PROM1: variants seen among roughly 807,000 people sequenced by gnomAD.
The protein encoded by PROM1 is prominin-1.
In PROM1, 105 loss-of-function variants were observed where a neutral mutation model predicts 116.9. That is an observed-to-expected ratio of 0.90 (90% confidence interval 0.77 to 1.06). PROM1 has a LOEUF of 1.06. Ranked by LOEUF, PROM1 falls within the 50% of genes least tolerant of loss-of-function variation. The pLI, the probability that PROM1 is intolerant of heterozygous loss-of-function variation, is 0.00. For synonymous variants in PROM1, 393 were observed against 387.0 expected (o/e 1.02, Z -0.18); for missense variants, 1,122 against 1,045.2 (o/e 1.07, Z -1.01).
chr4:16,054,852 T>C (rs776104772), intron 2 of PROM1, among the ~76,000 whole-genome samples: 1 of 151,918 alleles, frequency 6.6e-6, no homozygotes, highest in Non-Finnish European at 1.5e-5. Context: ...GTACTCGAGT[T>C]CCGGGGGGGA....
At chr4:16,050,040 A>T (rs1737487155) in intron 2 of PROM1, among the ~76,000 whole-genome samples, 1 of 152,100 alleles carries the variant, frequency 6.6e-6, no homozygotes, top group African/African-American at 2.4e-5. Context: ...AGGTGGGCAG[A>T]TCACGAGGTC....
At chr4:16,070,098 A>G (rs1392043452) in intron 2 of PROM1, among the ~76,000 whole-genome samples, 1 of 152,168 alleles carries the variant, frequency 6.6e-6, no homozygotes, top group Admixed American at 6.5e-5. Flanking sequence ...CAAACTTAAA[A>G]TATGTAAGGA....
At position 16,064,425 on chromosome 4, in the gene PROM1, C is replaced by T. The variant is rs184328160; in HGVS notation, c.220+11262G>A. 3.9e-5 allele frequency among the ~76,000 whole-genome samples: 6 copies of T among 152,186 alleles called. No homozygotes were observed. In the East Asian group the frequency reaches 5.8e-4, roughly 15 times the overall value. ...TTAATCTATACTACGGAAAGTCAGG[C>T]GGGCGTTACCCTTGGGAGGAGGCAG... On this transcript the variant is annotated intron_variant, in intron 2 of 27. Transcript: ENST00000447510.
intron 1 of PROM1, among the ~76,000 whole-genome samples, chr4:16,077,638 C>A (rs1228670480): frequency 6.6e-6 from 1 of 152,050 alleles, no homozygotes; most frequent in Non-Finnish European, 1.5e-5. Flanking sequence ...CTTCAATTAA[C>A]CATGCGGCCA....
chr4:16,000,577 G>C lies in PROM1; in HGVS notation c.1497C>G (p.Ile499Met). ...LSFLFCWILM[I>M]IVVLTFVFGA... ...CAAAGACAAAGGTAAGAACCACAAT[G>C]ATCATCAATATCCAGCAAAAGAGGA... Residue 499 changes from isoleucine (I) to methionine (M), a missense_variant, in exon 14 of 28, where the codon ATC (isoleucine) becomes ATG (methionine). Ile to Met is a conservative substitution (Grantham distance 10, BLOSUM62 1). Coordinates refer to ENST00000447510, the MANE Select transcript of PROM1 (RefSeq NM_006017.3). 1 of 1,586,860 alleles carries C rather than the reference G, an allele frequency of 6.3e-7. No homozygotes were observed. The highest frequency in any genetic ancestry group is 8.6e-7 in the Non-Finnish European group (1 of 1,157,002).
At chr4:16,015,641 G>A (rs1225817593) in intron 10 of PROM1, among the ~76,000 whole-genome samples, 1 of 152,016 alleles carries the variant, frequency 6.6e-6, no homozygotes, top group Non-Finnish European at 1.5e-5. Context: ...AGTGAGCCGA[G>A]ATCGTACCAC....
chr4:16,050,338 G>C (rs1393259653), intron 2 of PROM1, among the ~76,000 whole-genome samples: 1 of 151,846 alleles, frequency 6.6e-6, no homozygotes, highest in Non-Finnish European at 1.5e-5. Flanking sequence ...ATGTTGCACT[G>C]ATACAGGGTG....
At chr4:16,071,267 G>T (rs1024854439) in intron 2 of PROM1, among the ~76,000 whole-genome samples, 4 of 152,088 alleles carry the variant, frequency 2.6e-5, no homozygotes, top group African/African-American at 9.7e-5. Flanking sequence ...CAGAACGCAG[G>T]GACTTTCAAT....
intron 1 of PROM1, 55 bp downstream of exon 1, chr4:16,083,922 AC>A (rs1332206625): frequency 1.3e-5 from 2 of 152,144 alleles, no homozygotes; most frequent in Non-Finnish European, 2.9e-5. Flanking sequence ...TCTGTCCCGG[AC>A]GGGGACCTAG....
Position 16,025,241 on chromosome 4 carries a change from GC to G in PROM1, c.580del (p.Ala194GlnfsTer12). 4 of 1,613,852 alleles carry G rather than the reference GC, an allele frequency of 2.5e-6. No homozygotes were observed. In the South Asian group the frequency reaches 4.4e-5, roughly 18 times the overall value. ...TCGCAAGTCCTTGAAATTGCTATCT[GC>G]CAGTTTCCGACTCCTTTTGATCCGG... ...RTRIKRSRKL[A>X]DSNFKDLRTL... On this transcript the variant is annotated frameshift_variant, in exon 6 of 28. Coordinates refer to ENST00000447510, the MANE Select transcript of PROM1 (RefSeq NM_006017.3). LOFTEE classifies it high-confidence loss of function.
chr4:16,069,476 C>T (rs1201560799), intron 2 of PROM1, among the ~76,000 whole-genome samples: 1 of 152,122 alleles, frequency 6.6e-6, no homozygotes, highest in East Asian at 1.9e-4. Context: ...TTACTATTTT[C>T]CATACTAACC....
intron 7 of PROM1, 56 bp from the exon 8 acceptor site, chr4:16,023,471 C>A: frequency 7.4e-7 from 1 of 1,350,672 alleles, no homozygotes; most frequent in Non-Finnish European, 1.0e-6. Flanking sequence ...TCTCTCCACC[C>A]CTCCCTCATT....
intron 3 of PROM1, among the ~76,000 whole-genome samples, chr4:16,036,641 C>T (rs892760239): frequency 1.3e-5 from 2 of 152,320 alleles, no homozygotes; most frequent in African/African-American, 4.8e-5. Context: ...TGCTACAGCA[C>T]ATGAGTCAGA....
chr4:16,036,795 C>G (rs372761613), intron 3 of PROM1, among the ~76,000 whole-genome samples: 1 of 152,200 alleles, frequency 6.6e-6, no homozygotes, highest in East Asian at 1.9e-4. Flanking sequence ...TCAGAAAGCC[C>G]TCCTCTAGAT....
At chr4:16,041,516 A>G (rs899400903) in intron 2 of PROM1, among the ~76,000 whole-genome samples, 4 of 152,018 alleles carry the variant, frequency 2.6e-5, no homozygotes, top group Admixed American at 1.3e-4. Flanking sequence ...AGTGGCTCAC[A>G]CCTGTCATCC....
At chr4:16,054,236 C>T (rs2149482252) in intron 2 of PROM1, among the ~76,000 whole-genome samples, 1 of 152,312 alleles carries the variant, frequency 6.6e-6, no homozygotes, top group Non-Finnish European at 1.5e-5. Flanking sequence ...CTCTTCTACT[C>T]CATTCCATTC....
intron 4 of PROM1, among the ~76,000 whole-genome samples, chr4:16,035,354 A>T (rs762594038): frequency 1.3e-5 from 2 of 152,214 alleles, no homozygotes; most frequent in African/African-American, 2.4e-5. Context: ...GATATATTGA[A>T]ATGTTTTAAA....
rs1686890857 is a variant in PROM1, at chr4:16,033,296, G to A, written c.509+8C>T. On this transcript the variant is annotated splice_region_variant and intron_variant, in intron 5 of 27. Coordinates refer to ENST00000447510, the MANE Select transcript of PROM1 (RefSeq NM_006017.3). The stretch of plus-strand genomic sequence containing the variant: ...ACACAATCAGTTGTTGTCCAATATT[G>A]TACTTGCCTTATTATTATACAAATC... 1 of 1,603,222 alleles carries A rather than the reference G, an allele frequency of 6.2e-7. No homozygotes were observed. The highest frequency in any genetic ancestry group is 8.5e-7 in the Non-Finnish European group (1 of 1,172,056).
intron 9 of PROM1, among the ~76,000 whole-genome samples, chr4:16,017,134 C>T (rs968266333): frequency 3.3e-5 from 5 of 152,042 alleles, no homozygotes; most frequent in Admixed American, 6.5e-5. Context: ...CAACTTATCC[C>T]CAACTTACCT....
Sources: gnomAD v4.1 joint callset for allele counts (sites outside exome capture counted in the v4.1 genomes callset) on GRCh38, gnomAD v4.1.1 for gene constraint, MANE v1.5 for transcripts, NCBI Gene and HGNC (gene_info 2026-07-23, HGNC 2026-07-21) for gene names.